TMEM132B: variants seen among roughly 807,000 people sequenced by gnomAD.
The protein encoded by TMEM132B is transmembrane protein 132B.
TMEM132B carries 18 observed loss-of-function variants against 90.8 expected under a neutral mutation model. The observed-to-expected ratio is 0.20, with a 90% CI of 0.14 to 0.29. The LOEUF (loss-of-function observed/expected upper bound fraction) is 0.29. TMEM132B is among the 10% of genes least tolerant of loss of function. TMEM132B has a pLI of 1.00. For missense variants in TMEM132B, 1,096 were observed against 1,326.8 expected, an observed-to-expected ratio of 0.83 and a Z score of 2.70; for synonymous variants, 504 against 523.3, an observed-to-expected ratio of 0.96 and a Z score of 0.50.
intron 4 of TMEM132B, among the ~76,000 whole-genome samples, chr12:125,551,972 CA>C (rs1218247419): frequency 6.6e-6 from 1 of 152,126 alleles, no homozygotes; most frequent in Non-Finnish European, 1.5e-5. Flanking sequence ...CATGAGATGA[CA>C]AATGTTTTCT....
chr12:125,354,158 T>A (rs772836309), intron 2 of TMEM132B, among the ~76,000 whole-genome samples: 1 of 152,202 alleles, frequency 6.6e-6, no homozygotes, highest in African/African-American at 2.4e-5. Flanking sequence ...AGCCAAAGGA[T>A]GTTCTCAAAT....
intron 1 of TMEM132B, among the ~76,000 whole-genome samples, chr12:125,197,138 A>T (rs191731211): frequency 7.9e-5 from 12 of 151,864 alleles, no homozygotes; most frequent in Admixed American, 7.9e-4. Flanking sequence ...TTTTTTCCTG[A>T]TTCTCTCCCG....
chr12:125,540,677 A>C (rs1345683395), intron 4 of TMEM132B, among the ~76,000 whole-genome samples: 1 of 152,148 alleles, frequency 6.6e-6, no homozygotes, highest in Non-Finnish European at 1.5e-5. Context: ...TACAGTGACT[A>C]CTCAAGTCCA....
At chr12:125,509,664 A>G (rs1336773236) in intron 3 of TMEM132B, among the ~76,000 whole-genome samples, 1 of 152,108 alleles carries the variant, frequency 6.6e-6, no homozygotes, top group Non-Finnish European at 1.5e-5. Context: ...AGTAGAAGGA[A>G]GACTATTCTT....
chr12:125,358,023 T>G (rs1877837418), intron 2 of TMEM132B, among the ~76,000 whole-genome samples: 1 of 152,218 alleles, frequency 6.6e-6, no homozygotes, highest in Non-Finnish European at 1.5e-5. Context: ...GGTCTTTGAT[T>G]GTACAAGTGT....
In TMEM132B at chr12:125,653,900, A is replaced by G. The variant is rs761891468; in HGVS notation, c.2442A>G (p.Glu814=). ...GSNDIEGINR[E]YKDHLSNSIE... ...ATGATATTGAGGGCATAAATCGGGA[A>G]TATAAAGACCACCTCAGTAATTCCA... is the stretch of plus-strand genomic sequence containing the variant. The change falls in exon 9 of 9, where the codon GAA becomes GAG. Residue 814 remains glutamate (E), a synonymous_variant. Transcript: ENST00000682704. The G allele has an allele frequency of 1.2e-6, 2 of 1,614,200 alleles. No individual in the cohort carries two copies. Among genetic ancestry groups the G allele is most frequent in the South Asian group, 2.2e-5 (2 of 91,078 alleles).
At chr12:125,569,001 G>A (rs988994408) in intron 4 of TMEM132B, among the ~76,000 whole-genome samples, 15 of 152,158 alleles carry the variant, frequency 9.9e-5, no homozygotes, top group African/African-American at 3.1e-4. Flanking sequence ...TTGGGGTTGG[G>A]CGAGTCCCAG....
intron 4 of TMEM132B, among the ~76,000 whole-genome samples, chr12:125,543,597 G>T (rs181090490): frequency 3.1e-4 from 47 of 152,316 alleles, no homozygotes; most frequent in African/African-American, 1.1e-3. Context: ...CATATGGGTA[G>T]CCAGTTCTCC....
chr12:125,187,494 C>G (rs534227157), intron 1 of TMEM132B, among the ~76,000 whole-genome samples: 84 of 152,328 alleles, frequency 5.5e-4, no homozygotes, highest in African/African-American at 1.8e-3. Context: ...CTCCAGCGCC[C>G]TGACCCCAAG....
At chr12:125,335,706 G>A (rs1213317763) in intron 1 of TMEM132B, among the ~76,000 whole-genome samples, 1 of 152,142 alleles carries the variant, frequency 6.6e-6, no homozygotes, top group East Asian at 1.9e-4. Flanking sequence ...TTTATTTTTG[G>A]CCAGGCATGG....
chr12:125,411,575 G>A (rs1276323357), intron 2 of TMEM132B, among the ~76,000 whole-genome samples: 1 of 152,074 alleles, frequency 6.6e-6, no homozygotes, highest in African/African-American at 2.4e-5. Flanking sequence ...AAACCTCTAG[G>A]GTACGTGTGA....
chr12:125,515,348 T>A (rs192272728), intron 3 of TMEM132B, among the ~76,000 whole-genome samples: 1 of 150,352 alleles, frequency 6.7e-6, no homozygotes, highest in African/African-American at 2.5e-5. Context: ...TCTGTCACAC[T>A]CACACACACA....
chr12:125,262,098 A>G (rs1370828179), intron 1 of TMEM132B, among the ~76,000 whole-genome samples: 1 of 152,156 alleles, frequency 6.6e-6, no homozygotes. Flanking sequence ...AAGTTTAAAA[A>G]CAAGTGGGTC....
intron 2 of TMEM132B, among the ~76,000 whole-genome samples, chr12:125,353,608 A>G (rs1877667616): frequency 6.6e-6 from 1 of 152,218 alleles, no homozygotes; most frequent in Admixed American, 6.5e-5. Flanking sequence ...GGCAAGTGCT[A>G]TTATTATTCC....
chr12:125,259,172 A>G (rs1460691100), intron 1 of TMEM132B, among the ~76,000 whole-genome samples: 2 of 152,300 alleles, frequency 1.3e-5, no homozygotes, highest in Admixed American at 6.5e-5. Flanking sequence ...TCTCTTCTGC[A>G]TGTAGTTGCT....
intron 1 of TMEM132B, among the ~76,000 whole-genome samples, chr12:125,230,440 C>T (rs1041248094): frequency 6.6e-6 from 1 of 151,970 alleles, no homozygotes; most frequent in Non-Finnish European, 1.5e-5. Context: ...CAACTGGAAG[C>T]TCTGCAGGTG....
chr12:125,487,809 A>G (rs1162441533), intron 3 of TMEM132B, among the ~76,000 whole-genome samples: 2 of 152,220 alleles, frequency 1.3e-5, no homozygotes, highest in Non-Finnish European at 2.9e-5. Flanking sequence ...CTGTGCTGTC[A>G]TCAAAATGCT....
chr12:125,279,777 AGT>A (rs1435608738), intron 1 of TMEM132B, among the ~76,000 whole-genome samples: 47 of 152,204 alleles, frequency 3.1e-4, no homozygotes, highest in Non-Finnish European at 6.3e-4. Context: ...AACATATGAG[AGT>A]GGTCTTGAGA....
chr12:125,580,757 A>G (rs1233363798), intron 4 of TMEM132B, among the ~76,000 whole-genome samples: 1 of 152,176 alleles, frequency 6.6e-6, no homozygotes, highest in Non-Finnish European at 1.5e-5. Context: ...TTTGACTGCC[A>G]TTTTCACTGA....
Sources: allele counts gnomAD v4.1 joint callset (sites outside exome capture counted in the v4.1 genomes callset), GRCh38; gene constraint gnomAD v4.1.1; transcripts MANE v1.5; gene names NCBI Gene and HGNC (gene_info 2026-07-23, HGNC 2026-07-21).